The following ZNF804A variants were observed in gnomAD, a reference collection of about 807,000 sequenced individuals.
ZNF804A encodes the protein zinc finger protein 804A.
Under a neutral mutation model 16.5 loss-of-function variants are expected in ZNF804A, and 2 were observed. That is an observed-to-expected ratio of 0.12 (90% CI 0.05 to 0.38). The LOEUF is 0.38. Ranked by LOEUF, ZNF804A falls within the 10% of genes least tolerant of loss-of-function variation. ZNF804A has a pLI of 0.99. For synonymous variants in ZNF804A, 534 were observed against 489.6 expected (o/e 1.09, Z -1.20); for missense variants, 1,473 against 1,390.7 (o/e 1.06, Z -0.94).
chr2:184,899,853 G>T (rs1685149379), intron 2 of ZNF804A, among the ~76,000 whole-genome samples: 1 of 151,798 alleles, frequency 6.6e-6, no homozygotes. Flanking sequence ...TAAGCATTTA[G>T]ATTGTCGTTT....
At chr2:184,654,051 G>T (rs575456411) in intron 1 of ZNF804A, among the ~76,000 whole-genome samples, 1 of 152,174 alleles carries the variant, frequency 6.6e-6, no homozygotes, top group East Asian at 1.9e-4. Flanking sequence ...TCACCTGATG[G>T]TCATCTGACA....
chr2:184,905,012 T>A (rs901986672), intron 2 of ZNF804A, among the ~76,000 whole-genome samples: 11 of 152,102 alleles, frequency 7.2e-5, no homozygotes, highest in Non-Finnish European at 4.4e-5. Flanking sequence ...CTTAGTGGAA[T>A]TTATTCTGTT....
intron 1 of ZNF804A, among the ~76,000 whole-genome samples, chr2:184,629,574 A>G (rs1366188661): frequency 6.6e-6 from 1 of 152,194 alleles, no homozygotes; most frequent in Admixed American, 6.5e-5. Context: ...AATATACAAT[A>G]AACACTTCAA....
chr2:184,643,597 G>A (rs947666424), intron 1 of ZNF804A, among the ~76,000 whole-genome samples: 1 of 151,756 alleles, frequency 6.6e-6, no homozygotes, highest in African/African-American at 2.4e-5. Flanking sequence ...AGTTAAGAAT[G>A]CAGAATCAAG....
chr2:184,818,951 A>G (rs1389202734), intron 1 of ZNF804A, among the ~76,000 whole-genome samples: 3 of 152,122 alleles, frequency 2.0e-5, no homozygotes, highest in Admixed American at 6.6e-5. Flanking sequence ...GGACTCCCAC[A>G]CAATACTAGT....
intron 1 of ZNF804A, among the ~76,000 whole-genome samples, chr2:184,625,577 G>A (rs1486188023): frequency 2.0e-5 from 3 of 152,062 alleles, no homozygotes; most frequent in Non-Finnish European, 4.4e-5. Context: ...AAATAAATAA[G>A]TAGATAAAAG....
chr2:184,937,264 A>C lies in ZNF804A; in HGVS notation c.1868A>C (p.Glu623Ala), dbSNP rs780254874. ...GAAACTCGCTGCAAAATGGAAGCAG[A>C]GAATAGTTACACTGAAAATGCTGGG... ...ESETRCKMEA[E>A]NSYTENAGKY... Residue 623 changes from glutamate (E) to alanine (A), a missense_variant, in exon 4 of 4, where the codon GAG (glutamate) becomes GCG (alanine). Glu to Ala is a moderately radical substitution (Grantham distance 107). Coordinates refer to ENST00000302277, the MANE Select transcript of ZNF804A (RefSeq NM_194250.2). 1 of 1,613,412 alleles carries C rather than the reference A, an allele frequency of 6.2e-7. No individual in the cohort carries two copies. Among genetic ancestry groups the C allele is most frequent in the Non-Finnish European group, 8.5e-7 (1 of 1,179,794 alleles).
chr2:184,871,825 A>T (rs1695981313), intron 2 of ZNF804A, among the ~76,000 whole-genome samples: 1 of 152,036 alleles, frequency 6.6e-6, no homozygotes, highest in Non-Finnish European at 1.5e-5. Flanking sequence ...GAAGAAAAAT[A>T]AAGTAGGAAA....
intron 1 of ZNF804A, among the ~76,000 whole-genome samples, chr2:184,803,156 G>T (rs1273116466): frequency 2.0e-5 from 3 of 151,996 alleles, no homozygotes; most frequent in East Asian, 1.9e-4. Flanking sequence ...GCACGTTATT[G>T]TTTCTTGAGC....
At chr2:184,603,165 T>C (rs1006048434) in intron 1 of ZNF804A, among the ~76,000 whole-genome samples, 1 of 152,190 alleles carries the variant, frequency 6.6e-6, no homozygotes, top group Admixed American at 6.5e-5. Flanking sequence ...AAAATATTTG[T>C]TATTTAGTTC....
intron 1 of ZNF804A, among the ~76,000 whole-genome samples, chr2:184,621,893 C>G (rs1317215424): frequency 2.0e-5 from 3 of 151,764 alleles, no homozygotes; most frequent in Non-Finnish European, 4.4e-5. Context: ...AAAGAATTGA[C>G]TGCAATCTGC....
chr2:184,606,762 C>T (rs1283738720), intron 1 of ZNF804A, among the ~76,000 whole-genome samples: 1 of 151,958 alleles, frequency 6.6e-6, no homozygotes, highest in South Asian at 2.1e-4. Flanking sequence ...TAGGACCTGC[C>T]TTCACATTTA....
intron 1 of ZNF804A, among the ~76,000 whole-genome samples, chr2:184,846,643 A>C (rs2105802205): frequency 1.3e-5 from 2 of 152,226 alleles, no homozygotes; most frequent in South Asian, 4.1e-4. Flanking sequence ...GAGAGACTGC[A>C]GGGTGATGTT....
chr2:184,629,500 C>A (rs1255738602), intron 1 of ZNF804A, among the ~76,000 whole-genome samples: 2 of 151,768 alleles, frequency 1.3e-5, no homozygotes, highest in Non-Finnish European at 2.9e-5. Context: ...AGATAGATGA[C>A]CAAAATGAAT....
At chr2:184,864,962 C>A (rs1051392125) in intron 1 of ZNF804A, among the ~76,000 whole-genome samples, 3 of 147,520 alleles carry the variant, frequency 2.0e-5, no homozygotes, top group Non-Finnish European at 3.0e-5. Context: ...CTCACTGCAA[C>A]CTCTGCCTCC....
intron 1 of ZNF804A, among the ~76,000 whole-genome samples, chr2:184,676,802 A>G (rs1163739984): frequency 6.6e-6 from 1 of 151,854 alleles, no homozygotes; most frequent in East Asian, 1.9e-4. Flanking sequence ...GTAGTGTTCT[A>G]TGACCTTTTA....
At chr2:184,756,922 A>G (rs530016062) in intron 1 of ZNF804A, among the ~76,000 whole-genome samples, 8 of 152,152 alleles carry the variant, frequency 5.3e-5, no homozygotes, top group Non-Finnish European at 1.2e-4. Flanking sequence ...AGTGCCAAAC[A>G]ATTTATGACT....
intron 1 of ZNF804A, among the ~76,000 whole-genome samples, chr2:184,767,081 C>T (rs1694139732): frequency 6.6e-6 from 1 of 152,126 alleles, no homozygotes; most frequent in African/African-American, 2.4e-5. Flanking sequence ...AGAATGTAAC[C>T]TTAACAGCAC....
Sources: gnomAD v4.1 joint callset for allele counts (sites outside exome capture counted in the v4.1 genomes callset) on GRCh38, gnomAD v4.1.1 for gene constraint, MANE v1.5 for transcripts, NCBI Gene and HGNC (gene_info 2026-07-23, HGNC 2026-07-21) for gene names.